Variants in PCDHA3 observed in about 807,000 individuals in gnomAD.
The protein encoded by PCDHA3 is protocadherin alpha-3.
A neutral mutation model predicts 62.2 loss-of-function variants in PCDHA3; 41 were observed. The ratio of observed to expected loss-of-function variants is 0.66; its 90% CI spans 0.51 to 0.86. The LOEUF (loss-of-function observed/expected upper bound fraction) is 0.86, where lower values mean the gene tolerates loss of function less well. Ranked by LOEUF, PCDHA3 falls within the 40% of genes least tolerant of loss-of-function variation. The probability of loss-of-function intolerance (pLI) is 0.00; values close to 1 mark genes in which losing one functional copy is unlikely to be tolerated. For missense variants in PCDHA3, 1,304 were observed against 1,241.2 expected (o/e 1.05, Z -0.76); for synonymous variants, 640 against 555.4 (o/e 1.15, Z -2.14).
intron 1 of PCDHA3, among the ~76,000 whole-genome samples, chr5:140,834,039 C>T (rs2150213066): frequency 6.6e-6 from 1 of 152,144 alleles, no homozygotes; most frequent in Non-Finnish European, 1.5e-5. Flanking sequence ...CATCAGTCGC[C>T]TAAGAATGCT....
chr5:140,928,973 T>G (rs782178426), intron 1 of PCDHA3: 3 of 1,613,958 alleles, frequency 1.9e-6, no homozygotes, highest in Non-Finnish European at 2.5e-6. Flanking sequence ...ATTTCCTTTT[T>G]ATTTCTGGGG....
chr5:140,927,191 T>TG, intron 1 of PCDHA3: 1 of 1,614,144 alleles, frequency 6.2e-7, no homozygotes, highest in East Asian at 2.2e-5. Flanking sequence ...TACGACCTGG[T>TG]GCTCGAGGAC....
chr5:140,991,121 C>G (rs1220661100), intron 3 of PCDHA3, among the ~76,000 whole-genome samples: 1 of 152,184 alleles, frequency 6.6e-6, no homozygotes, highest in Non-Finnish European at 1.5e-5. Context: ...TTCTTACATT[C>G]ACACAGCTAG....
At chr5:140,877,935 C>A (rs1184618592) in intron 1 of PCDHA3, 28 of 1,388,566 alleles carry the variant, frequency 2.0e-5, no homozygotes, top group Admixed American at 3.0e-5. Context: ...TGATTCTATC[C>A]TTTAAACTAT....
chr5:140,921,017 T>C (rs2153559418), intron 1 of PCDHA3, among the ~76,000 whole-genome samples: 1 of 152,192 alleles, frequency 6.6e-6, no homozygotes, highest in African/African-American at 2.4e-5. Context: ...TCTTGCTATG[T>C]TTTCTAGACT....
rs782155880 is a variant in PCDHA3, at chr5:140,801,692, T to C, written c.495T>C (p.Asn165=). ...EGASDADIGT[N]SLLTYSLDST... Reference sequence around the variant, plus strand: ...CATCAGATGCAGATATCGGAACAAATTCGTTGTTGACTTACAGTCTTGATT... The same window carrying C: ...CATCAGATGCAGATATCGGAACAAACTCGTTGTTGACTTACAGTCTTGATT... Residue 165 remains asparagine (N), a synonymous_variant, in exon 1 of 4, where the codon AAT becomes AAC. Transcript: ENST00000522353. 6.2e-7 allele frequency: 1 copy of C among 1,614,188 alleles called. No homozygotes were observed. Among genetic ancestry groups the C allele is most frequent in the East Asian group, 2.2e-5 (1 of 44,888 alleles).
At chr5:140,927,993 A>G (rs782756882) in intron 1 of PCDHA3, 66 of 1,614,068 alleles carry the variant, frequency 4.1e-5, no homozygotes, top group Non-Finnish European at 5.4e-5. Flanking sequence ...TAAAGGATGA[A>G]GACCTCGATT....
intron 1 of PCDHA3, among the ~76,000 whole-genome samples, chr5:140,972,660 ATTTTTTT>A (rs11350929): frequency 8.5e-6 from 1 of 117,268 alleles, no homozygotes; most frequent in Admixed American, 9.2e-5. Flanking sequence ...AAGAAACCAA[ATTTTTTT>A]TTTTTTTTTT....
intron 1 of PCDHA3, among the ~76,000 whole-genome samples, chr5:140,945,463 A>G (rs1554216960): frequency 6.6e-6 from 1 of 152,166 alleles, no homozygotes; most frequent in African/African-American, 2.4e-5. Flanking sequence ...TAAAATTTGC[A>G]TGGAACCACA....
intron 1 of PCDHA3, chr5:140,807,762 T>C (rs1764027827): frequency 1.2e-6 from 2 of 1,614,224 alleles, no homozygotes; most frequent in East Asian, 2.2e-5. Flanking sequence ...GTAAAAGGTC[T>C]TGGGCTTATA....
intron 1 of PCDHA3, chr5:140,854,282 G>A: frequency 1.9e-6 from 1 of 533,858 alleles, no homozygotes; most frequent in African/African-American, 2.1e-5. Context: ...ATTGAGTTTA[G>A]TTTTTATTAT....
At chr5:140,983,621 A>G (rs1271083054) in intron 3 of PCDHA3, among the ~76,000 whole-genome samples, 5 of 152,250 alleles carry the variant, frequency 3.3e-5, no homozygotes, top group African/African-American at 1.2e-4. Flanking sequence ...CAGAGAGATT[A>G]AGAAATGTAC....
chr5:140,858,733 C>A (rs984187341), intron 1 of PCDHA3: 4 of 475,092 alleles, frequency 8.4e-6, no homozygotes, highest in African/African-American at 8.1e-5. Context: ...TGACGATTTA[C>A]TTTCATAATC....
rs1299292999 is a variant in PCDHA3, at chr5:140,940,635, T to G, written c.2395-38314T>G. Among the ~76,000 whole-genome samples the G allele has an allele frequency of 5.3e-5, 8 of 152,214 alleles. 1 individual carries two copies. The highest frequency in any genetic ancestry group is 5.2e-4 in the Admixed American group (8 of 15,286). On this transcript the variant is annotated intron_variant, in intron 1 of 3. Coordinates refer to ENST00000522353, the MANE Select transcript of PCDHA3 (RefSeq NM_018906.3). ...GCTCCTGCAAATATTCTTAAGCTTG[T>G]CATTTATTTATTTAAATATATTAAA...
intron 1 of PCDHA3, among the ~76,000 whole-genome samples, chr5:140,805,889 C>T (rs1763646423): frequency 6.6e-6 from 1 of 152,036 alleles, no homozygotes; most frequent in Non-Finnish European, 1.5e-5. Flanking sequence ...TGGAAGGAAG[C>T]AAACATTTTC....
At chr5:140,830,362 G>T (rs1771019100) in intron 1 of PCDHA3, 1 of 1,614,120 alleles carries the variant, frequency 6.2e-7, no homozygotes, top group Non-Finnish European at 8.5e-7. Flanking sequence ...GGCGGCAGAG[G>T]GTGTGCTCCG....
Position 140,802,502 on chromosome 5 carries a change from G to A in PCDHA3, c.1305G>A (p.Leu435=). ...VTARDGGSPS[L]WATASVSVEV... ...CTCGGGACGGGGGCTCGCCTTCACT[G>A]TGGGCCACGGCCAGCGTGTCCGTGG... The change falls in exon 1 of 4, where the codon CTG becomes CTA. Residue 435 remains leucine (L), a synonymous_variant. Coordinates refer to ENST00000522353, the MANE Select transcript of PCDHA3 (RefSeq NM_018906.3). 6.2e-7 allele frequency: 1 copy of A among 1,614,156 alleles called. No homozygotes were observed. The highest frequency in any genetic ancestry group is 8.5e-7 in the Non-Finnish European group (1 of 1,180,036).
chr5:140,938,092 A>G (rs1255638035), intron 1 of PCDHA3, among the ~76,000 whole-genome samples: 4 of 152,034 alleles, frequency 2.6e-5, no homozygotes, highest in African/African-American at 9.7e-5. Context: ...TAGTTTTATT[A>G]TTGTATTTTT....
intron 1 of PCDHA3, chr5:140,857,813 G>A (rs17844346): frequency 6.3e-7 from 1 of 1,597,700 alleles, no homozygotes; most frequent in African/African-American, 1.3e-5. Flanking sequence ...TGCGGGTCAC[G>A]TGGTGGCTAA....
Sources: allele counts gnomAD v4.1 joint callset (sites outside exome capture counted in the v4.1 genomes callset), GRCh38; gene constraint gnomAD v4.1.1; transcripts MANE v1.5; gene names NCBI Gene and HGNC (gene_info 2026-07-23, HGNC 2026-07-21).